Variants in GRIP2 observed in about 807,000 individuals in gnomAD.
GRIP2 encodes glutamate receptor interacting protein 2.
A neutral mutation model predicts 108.3 loss-of-function variants in GRIP2; 58 were observed. The observed-to-expected ratio is 0.54, with a 90% CI of 0.43 to 0.67. The LOEUF is 0.67. Among genes scored for constraint, GRIP2 ranks in the 30% least tolerant of loss-of-function variants. The pLI is 0.00. For synonymous variants in GRIP2, 586 were observed against 598.2 expected, an observed-to-expected ratio of 0.98 and a Z score of 0.30; for missense variants, 1,278 against 1,430.6, an observed-to-expected ratio of 0.89 and a Z score of 1.72.
At chr3:14,603,000 G>T in the GRIP2 span, among the ~76,000 whole-genome samples, 1 of 146,622 alleles carries the variant, frequency 6.8e-6, no homozygotes, top group Non-Finnish European at 1.5e-5. This position sits in a 1 kb window ranked among gnomAD's most constrained non-coding sequence, Gnocchi z 4.7. Flanking sequence ...GCCGCCCTGC[G>T]GCCCGGCCCG....
At chr3:14,524,647 C>T in intron 3 of GRIP2, 109 bp from the exon 4 acceptor site, 1 of 1,236,192 alleles carries the variant, frequency 8.1e-7, no homozygotes. Flanking sequence ...ATCCTCATTT[C>T]ACAAATGGGG....
rs775026171 is a variant in GRIP2, at chr3:14,523,032, C to G, written c.534G>C (p.Leu178=). 1.2e-6 allele frequency: 2 copies of G among 1,613,522 alleles called. No individual in the cohort carries two copies. The highest frequency in any genetic ancestry group is 1.7e-6 in the Non-Finnish European group (2 of 1,179,698). ...CAGGGCCACCGGGCCGCACGTAGGT[C>G]AGGACAAGCGGGCGGGACTTGTGCC... is the stretch of plus-strand genomic sequence containing the variant. The part of the protein sequence containing the change: ...EDGHKSRPLV[L]TYVRPGGPAD... Residue 178 remains leucine, a synonymous_variant, in exon 6 of 24, where the codon CTG becomes CTC. Transcript: ENST00000621039.
At chr3:14,536,670 C>T (rs1329235364) in intron 1 of GRIP2, among the ~76,000 whole-genome samples, 1 of 152,202 alleles carries the variant, frequency 6.6e-6, no homozygotes, top group African/African-American at 2.4e-5. Flanking sequence ...AGAGCGGGGG[C>T]GCAGTCTCAA....
chr3:14,585,407 G>A, the GRIP2 span, among the ~76,000 whole-genome samples: 1 of 152,212 alleles, frequency 6.6e-6, no homozygotes, highest in Non-Finnish European at 1.5e-5. Flanking sequence ...GCCCCCATGG[G>A]GCCCACACAG....
At chr3:14,496,607 A>G (rs113152838) in intron 21 of GRIP2, 47 bp from the exon 22 acceptor site, 9 of 1,568,128 alleles carry the variant, frequency 5.7e-6, no homozygotes, top group African/African-American at 2.7e-5. Context: ...GGCTTGCCCC[A>G]TCAGGCAGTC....
rs1240971979 is a variant in GRIP2, at chr3:14,493,545, C to T, written c.*120G>A. The T allele has an allele frequency of 2.5e-6, 3 of 1,202,800 alleles. No individual in the cohort carries two copies. Among genetic ancestry groups the T allele is most frequent in the Non-Finnish European group, 2.3e-6 (2 of 880,014 alleles). The allele number at this position is 1,202,800 out of a possible 1,614,324, so 74.5% of individuals were successfully genotyped here. A position where few individuals can be genotyped will look rare whatever the true frequency, so the allele number is the denominator to read the frequency against. ...AACAGAGACCAAGCATCATCCCAGG[C>T]TCAGAGTCTGCCAGACCAACAGATG... On this transcript the variant is annotated 3_prime_UTR_variant, in exon 24 of 24. Coordinates refer to ENST00000621039, the MANE Select transcript of GRIP2 (RefSeq NM_001080423.4).
chr3:14,544,996 G>C (rs1695036029), upstream of GRIP2, among the ~76,000 whole-genome samples: 2 of 152,164 alleles, frequency 1.3e-5, no homozygotes, highest in South Asian at 4.1e-4. Context: ...GCCACCCAGT[G>C]GGCTGCCCCA....
At chr3:14,526,111 C>A in intron 1 of GRIP2, 180 bp from the exon 2 acceptor site, 1 of 632,164 alleles carries the variant, frequency 1.6e-6, no homozygotes, top group Non-Finnish European at 2.9e-6. Flanking sequence ...CAAAGAAAGC[C>A]TGGCCCCTGC....
intron 1 of GRIP2, among the ~76,000 whole-genome samples, chr3:14,533,342 TCTATCTCCA>T (rs1420368275): frequency 6.6e-6 from 1 of 152,222 alleles, no homozygotes; most frequent in Non-Finnish European, 1.5e-5. Context: ...AAAATCCCTC[TCTATCTCCA>T]GCTGTCTTGG....
At chr3:14,518,648 C>A (rs925490802) in intron 9 of GRIP2, among the ~76,000 whole-genome samples, 15 of 152,180 alleles carry the variant, frequency 9.9e-5, no homozygotes, top group Non-Finnish European at 2.2e-4. Context: ...TCCTCTTGCG[C>A]GGATGGACAG....
the GRIP2 span, among the ~76,000 whole-genome samples, chr3:14,586,599 G>A: frequency 1.3e-5 from 2 of 152,198 alleles, no homozygotes; most frequent in Non-Finnish European, 2.9e-5. Flanking sequence ...TGTAGAGAGG[G>A]ATAAATGGCC....
Position 14,505,626 on chromosome 3 carries a change from C to T in GRIP2, c.2562G>A (p.Glu854=), listed in dbSNP as rs1230166099. 3 of 1,610,514 alleles carry T rather than the reference C, an allele frequency of 1.9e-6. No individual in the cohort carries two copies. Among genetic ancestry groups the T allele is most frequent in the Non-Finnish European group, 2.5e-6 (3 of 1,178,430 alleles). The change falls in exon 20 of 24, where the codon GAG becomes GAA. Residue 854 remains glutamate (E), a synonymous_variant. Coordinates refer to ENST00000621039, the MANE Select transcript of GRIP2 (RefSeq NM_001080423.4). The surrounding 1 kb of genome is among the most constrained non-coding windows in gnomAD (Gnocchi z 4.2). ...FPEEEEEDDW[E]PPTSPAPGPA... is the part of the protein sequence containing the mutation. ...CTCCCACCACAGACCTCGTTGGCGG[C>T]TCCCAATCATCCTCCTCCTCCTCCT...
At chr3:14,517,492 CTCTT>C (rs1694282543) in intron 10 of GRIP2, among the ~76,000 whole-genome samples, 1 of 108,534 alleles carries the variant, frequency 9.2e-6, no homozygotes, top group Non-Finnish European at 1.7e-5. Flanking sequence ...TAATCTCTCT[CTCTT>C]TTTTTTTTTT....
chr3:14,556,391 G>C (rs1173694269), upstream of GRIP2, among the ~76,000 whole-genome samples: 1 of 152,176 alleles, frequency 6.6e-6, no homozygotes, highest in East Asian at 1.9e-4. Flanking sequence ...CCCCTCTAGT[G>C]GGACTCCATG....
At chr3:14,540,837 C>G (rs1694953840), upstream of GRIP2, among the ~76,000 whole-genome samples, 1 of 152,194 alleles carries the variant, frequency 6.6e-6, no homozygotes, top group South Asian at 2.1e-4. The surrounding 1 kb of genome is among the most constrained non-coding windows in gnomAD (Gnocchi z 4.1). Context: ...AACCCTTGAG[C>G]TTGGAGACCC....
In GRIP2 at chr3:14,492,155, T is replaced by C. The variant is rs756465722; in HGVS notation, c.*1510A>G. ...TCCACCCGTGATCGTCCAGAGGGGC[T>C]GGGGGTCCAACCCAGACAGGGTCAC... On this transcript the variant is annotated 3_prime_UTR_variant, in exon 24 of 24. Transcript: ENST00000621039. The C allele has an allele frequency of 1.3e-5, 2 of 152,454 alleles. No homozygotes were observed. Among genetic ancestry groups the C allele is most frequent in the Non-Finnish European group, 2.9e-5 (2 of 68,276 alleles). 9.4% of individuals were successfully genotyped at this position (152,454 alleles called of 1,614,324 possible). A position where few individuals can be genotyped will look rare whatever the true frequency, so the allele number is the denominator to read the frequency against.
At chr3:14,520,654 G>A (rs936400706) in intron 7 of GRIP2, 117 bp from the exon 8 acceptor site, 8 of 961,450 alleles carry the variant, frequency 8.3e-6, no homozygotes, top group Non-Finnish European at 1.2e-5. Context: ...ATACCCATTT[G>A]ATTAACATAA....
chr3:14,561,461 G>T, the GRIP2 span, among the ~76,000 whole-genome samples: 2 of 152,274 alleles, frequency 1.3e-5, no homozygotes, highest in South Asian at 4.1e-4. Flanking sequence ...GTTGTCAAAG[G>T]TCACACAGCC....
At chr3:14,566,334 C>G in the GRIP2 span, among the ~76,000 whole-genome samples, 1 of 152,240 alleles carries the variant, frequency 6.6e-6, no homozygotes, top group African/African-American at 2.4e-5. Context: ...CAGAGTCACA[C>G]ACCACAGGAC....
Sources: gnomAD v4.1 joint callset for allele counts (sites outside exome capture counted in the v4.1 genomes callset) on GRCh38, gnomAD v4.1.1 for gene constraint, Gnocchi (gnomAD v3.1) non-coding constraint, MANE v1.5 for transcripts, NCBI Gene and HGNC (gene_info 2026-07-23, HGNC 2026-07-21) for gene names.